RSPH3: variants seen among roughly 807,000 people sequenced by gnomAD.
RSPH3 encodes radial spoke head 3.
Under a neutral mutation model 43.8 loss-of-function variants are expected in RSPH3, and 21 were observed. The ratio of observed to expected loss-of-function variants is 0.48; its 90% CI spans 0.34 to 0.69. RSPH3 has a LOEUF of 0.69. Among genes scored for constraint, RSPH3 ranks in the 30% least tolerant of loss-of-function variants. RSPH3 has a pLI of 0.01. For synonymous variants in RSPH3, 173 were observed against 179.8 expected (o/e 0.96, Z 0.30); for missense variants, 487 against 516.0 (o/e 0.94, Z 0.54).
intron 6 of RSPH3, among the ~76,000 whole-genome samples, chr6:158,979,446 C>G (rs571728207): frequency 6.6e-6 from 1 of 152,034 alleles, no homozygotes; most frequent in Admixed American, 6.6e-5. Flanking sequence ...GGATGATAGC[C>G]GAGAATGAAC....
chr6:158,984,852 A>G (rs927281802), intron 3 of RSPH3, among the ~76,000 whole-genome samples: 2 of 152,198 alleles, frequency 1.3e-5, no homozygotes, highest in African/African-American at 2.4e-5. Flanking sequence ...GCTGGCTGCT[A>G]TTATATCACT....
Position 158,989,032 on chromosome 6 carries a change from T to G in RSPH3, c.205-2611A>C, listed in dbSNP as rs1054447408. 6.6e-5 allele frequency among the ~76,000 whole-genome samples: 10 copies of G among 151,952 alleles called. No homozygotes were observed. The highest frequency in any genetic ancestry group is 2.4e-4 in the African/African-American group (10 of 41,372). The stretch of plus-strand genomic sequence containing the variant: ...CTGGCTTGTTTTGCTTTTTATTGGA[T>G]ATATTTTCTTAGAGTTTTTTTTTAT... On this transcript the variant is annotated intron_variant, in intron 2 of 7. Coordinates refer to ENST00000367069, the MANE Select transcript of RSPH3 (RefSeq NM_031924.8). The surrounding 1 kb of genome is among the most constrained non-coding windows in gnomAD (Gnocchi z 4.3).
intron 5 of RSPH3, 66 bp from the exon 6 acceptor site, chr6:158,981,002 G>GT: frequency 4.7e-6 from 7 of 1,498,516 alleles, no homozygotes; most frequent in Non-Finnish European, 6.5e-6. Flanking sequence ...ATCTAGTGAA[G>GT]TTAGTAAGTA....
downstream of RSPH3, among the ~76,000 whole-genome samples, chr6:158,971,126 G>C (rs561371621): frequency 7.2e-5 from 11 of 152,242 alleles, 1 homozygote; most frequent in South Asian, 2.3e-3. Flanking sequence ...TTATTGTGGG[G>C]GTGGGGAGGC....
At chr6:158,978,174 CTG>C in intron 7 of RSPH3, 84 bp downstream of exon 7, 1 of 777,020 alleles carries the variant, frequency 1.3e-6, no homozygotes, top group Non-Finnish European at 2.1e-6. Context: ...AATATTCAAA[CTG>C]TAAAATTAAT....
At chr6:158,970,671 G>C (rs1256128998), downstream of RSPH3, among the ~76,000 whole-genome samples, 1 of 151,644 alleles carries the variant, frequency 6.6e-6, no homozygotes, top group Non-Finnish European at 1.5e-5. Context: ...TCAGCCTCCT[G>C]AGTAGCTGGG....
chr6:158,995,332 C>G (rs1275422411), intron 1 of RSPH3, among the ~76,000 whole-genome samples: 1 of 152,176 alleles, frequency 6.6e-6, no homozygotes, highest in African/African-American at 2.4e-5. Context: ...AATGGTACTA[C>G]TAACTACATA....
chr6:158,987,222 C>T (rs1583714758), intron 2 of RSPH3, among the ~76,000 whole-genome samples: 1 of 152,126 alleles, frequency 6.6e-6, no homozygotes, highest in East Asian at 1.9e-4. Flanking sequence ...TTTATTATTA[C>T]AGAGTGACTG....
In RSPH3 at chr6:158,982,906, C is replaced by T. The variant is rs12204311; in HGVS notation, c.493-218G>A. 0.13 allele frequency among the ~76,000 whole-genome samples: 20,094 copies of T among 152,028 alleles called. 2,050 individuals are homozygous for T. Among genetic ancestry groups the T allele is most frequent in the East Asian group, 0.41 (2,147 of 5,174 alleles). On this transcript the variant is annotated intron_variant, in intron 4 of 7. Coordinates refer to ENST00000367069, the MANE Select transcript of RSPH3 (RefSeq NM_031924.8). ...AAGTCAAAGTTATGAAAAAAACCTA[C>T]GCATTCATCAAAATGAACCCTGACA...
At chr6:158,991,969 A>G (rs1202136006) in intron 2 of RSPH3, among the ~76,000 whole-genome samples, 1 of 151,824 alleles carries the variant, frequency 6.6e-6, no homozygotes, top group East Asian at 1.9e-4. Context: ...TATTTCATAA[A>G]TTATATGAGA....
rs539017754 is a variant in RSPH3 at position 158,992,983 on chromosome 6, G to A, written c.204+856C>T. Among the ~76,000 whole-genome samples, 16 of 152,340 alleles carry A rather than the reference G, an allele frequency of 1.1e-4. 1 individual carries two copies. In the South Asian group the frequency reaches 2.1e-3, roughly 20 times the overall value. On this transcript the variant is annotated intron_variant, in intron 2 of 7. Transcript: ENST00000367069. ...AAACAAATCTAGATGCAATAGACAA[G>A]TGCCACTCAAAATGTGGGCCTCTGG...
chr6:158,981,418 G>A (rs1778026724), intron 5 of RSPH3, among the ~76,000 whole-genome samples: 2 of 152,142 alleles, frequency 1.3e-5, no homozygotes, highest in Non-Finnish European at 2.9e-5. Flanking sequence ...TAAAGGTGAT[G>A]AATCCTGTTC....
intron 6 of RSPH3, 102 bp downstream of exon 6, chr6:158,980,672 A>T: frequency 1.1e-6 from 1 of 936,890 alleles, no homozygotes; most frequent in Non-Finnish European, 1.6e-6. Context: ...TGTCAGAAAT[A>T]GAAAGACTCC....
chr6:158,978,424 C>A, intron 6 of RSPH3, 78 bp from the exon 7 acceptor site: 1 of 712,612 alleles, frequency 1.4e-6, no homozygotes, highest in Non-Finnish European at 2.4e-6. Flanking sequence ...ATAGACTCAT[C>A]AACATTGGTT....
At chr6:158,964,325 T>C in the RSPH3 span, among the ~76,000 whole-genome samples, 1 of 152,222 alleles carries the variant, frequency 6.6e-6, no homozygotes, top group Non-Finnish European at 1.5e-5. Flanking sequence ...GAATCAAATC[T>C]AAGGATCAAT....
intron 2 of RSPH3, among the ~76,000 whole-genome samples, chr6:158,993,605 A>G (rs2128610322): frequency 1.3e-5 from 2 of 150,678 alleles, no homozygotes; most frequent in Non-Finnish European, 3.0e-5. Context: ...CAAAACTGAA[A>G]CTCTACACTC....
chr6:158,990,678 T>G (rs1411395370), intron 2 of RSPH3: 1 of 152,102 alleles, frequency 6.6e-6, no homozygotes, highest in Non-Finnish European at 1.5e-5. Context: ...AAAAGTTTGA[T>G]CTTGATTTGT....
chr6:158,983,276 G>C (rs1298629892), intron 4 of RSPH3, among the ~76,000 whole-genome samples: 1 of 151,814 alleles, frequency 6.6e-6, no homozygotes, highest in Non-Finnish European at 1.5e-5. Flanking sequence ...TTAAATGAGA[G>C]AATATCTTTA....
chr6:158,999,336 A>C (rs1778766651), intron 1 of RSPH3, 99 bp downstream of exon 1: 1 of 1,105,818 alleles, frequency 9.0e-7, no homozygotes, highest in Non-Finnish European at 1.2e-6. Context: ...CCAAGGGAAG[A>C]CAGCATAAGC....
Sources: gnomAD v4.1 joint callset for allele counts (sites outside exome capture counted in the v4.1 genomes callset) on GRCh38, gnomAD v4.1.1 for gene constraint, Gnocchi (gnomAD v3.1) non-coding constraint, MANE v1.5 for transcripts, NCBI Gene and HGNC (gene_info 2026-07-23, HGNC 2026-07-21) for gene names.